The following MARCHF7 variants were observed in gnomAD, a reference collection of about 807,000 sequenced individuals.
MARCHF7 encodes the protein membrane associated ring-CH-type finger 7, also known as E3 ubiquitin-protein ligase MARCHF7.
In MARCHF7, 20 loss-of-function variants were observed where a neutral mutation model predicts 76.5. The ratio of observed to expected loss-of-function variants is 0.26; its 90% confidence interval spans 0.18 to 0.38. MARCHF7 has a LOEUF of 0.38. MARCHF7 is among the 10% of genes least tolerant of loss of function. The probability of loss-of-function intolerance (pLI) is 1.00; values close to 1 mark genes in which losing one functional copy is unlikely to be tolerated. For synonymous variants in MARCHF7, 295 were observed against 293.0 expected, an observed-to-expected ratio of 1.01 and a Z score of -0.07; for missense variants, 797 against 812.9, an observed-to-expected ratio of 0.98 and a Z score of 0.24.
chr2:159,766,157 A>G (rs1707738438), intron 11 of MARCHF7, among the ~76,000 whole-genome samples: 1 of 152,190 alleles, frequency 6.6e-6, no homozygotes, highest in South Asian at 2.1e-4. Flanking sequence ...GAGTATTAGT[A>G]CATTCTGAAA....
rs190869451 is a variant in MARCHF7, at chr2:159,722,818, A to G, written c.-14-6191A>G. The stretch of plus-strand genomic sequence containing the variant: ...ATCAATTTATGTAGAGGAGTTGCCA[A>G]AAATAGTTCCATACAATATCAAATT... On this transcript the variant is annotated intron_variant, in intron 3 of 11. Transcript: ENST00000409175. Among the ~76,000 whole-genome samples the G allele has an allele frequency of 4.4e-3, 675 of 152,328 alleles. 2 individuals carry two copies. Among genetic ancestry groups the G allele is most frequent in the Middle Eastern group, 6.8e-3 (2 of 294 alleles).
intron 9 of MARCHF7, among the ~76,000 whole-genome samples, chr2:159,759,912 C>A (rs1375820239): frequency 2.6e-5 from 4 of 152,074 alleles, no homozygotes; most frequent in African/African-American, 9.7e-5. Context: ...GCCTCAGCAA[C>A]ATAGCAAGAC....
At chr2:159,725,168 C>T (rs549209846) in intron 3 of MARCHF7, among the ~76,000 whole-genome samples, 1 of 152,304 alleles carries the variant, frequency 6.6e-6, no homozygotes, top group South Asian at 2.1e-4. Flanking sequence ...TTTATAGTAG[C>T]ATGATTTATA....
intron 9 of MARCHF7, among the ~76,000 whole-genome samples, chr2:159,762,555 A>C (rs1707234471): frequency 6.6e-6 from 1 of 152,250 alleles, no homozygotes; most frequent in African/African-American, 2.4e-5. Flanking sequence ...TTAACTAAAT[A>C]TATATAGCTA....
chr2:159,749,924 G>A (rs1705417112), intron 7 of MARCHF7, among the ~76,000 whole-genome samples: 1 of 152,132 alleles, frequency 6.6e-6, no homozygotes, highest in Admixed American at 6.5e-5. Flanking sequence ...CCTTTATTAA[G>A]ATGATTTATT....
chr2:159,724,088 G>A (rs72996603), intron 3 of MARCHF7, among the ~76,000 whole-genome samples: 1 of 152,070 alleles, frequency 6.6e-6, no homozygotes, highest in African/African-American at 2.4e-5. Flanking sequence ...GTTTTTGGTC[G>A]TTGTGTTTTG....
At chr2:159,761,340 A>T (rs529289551) in intron 9 of MARCHF7, among the ~76,000 whole-genome samples, 56 of 149,544 alleles carry the variant, frequency 3.7e-4, no homozygotes, top group African/African-American at 1.2e-3. Flanking sequence ...AAAATTTTTT[A>T]AAAATGTTCT....
At chr2:159,749,748 G>T (rs1342807164) in intron 7 of MARCHF7, among the ~76,000 whole-genome samples, 1 of 151,658 alleles carries the variant, frequency 6.6e-6, no homozygotes, top group African/African-American at 2.4e-5. Context: ...GGGGGGGGCG[G>T]TTGTGAATTG....
chr2:159,765,367 C>T (rs1393803975), intron 11 of MARCHF7, among the ~76,000 whole-genome samples: 1 of 152,096 alleles, frequency 6.6e-6, no homozygotes, highest in Non-Finnish European at 1.5e-5. Flanking sequence ...TCTATACAGC[C>T]TACCCTCTTC....
chr2:159,760,716 TTTTTG>T (rs1170330446), intron 9 of MARCHF7, among the ~76,000 whole-genome samples: 5 of 147,840 alleles, frequency 3.4e-5, no homozygotes, highest in Admixed American at 2.0e-4. Flanking sequence ...TCCTTTTTTG[TTTTTG>T]TTTTTGTTTT....
intron 9 of MARCHF7, among the ~76,000 whole-genome samples, chr2:159,760,740 GT>G (rs1348810048): frequency 4.3e-5 from 6 of 139,700 alleles, no homozygotes; most frequent in African/African-American, 1.3e-4. Context: ...TTTGTTTTTT[GT>G]TTTTGACTCG....
chr2:159,725,190 A>G (rs1702028297), intron 3 of MARCHF7, among the ~76,000 whole-genome samples: 1 of 152,218 alleles, frequency 6.6e-6, no homozygotes, highest in South Asian at 2.1e-4. Context: ...TCCTTTGGGT[A>G]TATACCCAGT....
intron 4 of MARCHF7, 108 bp from the exon 5 acceptor site, chr2:159,742,953 T>A: frequency 4.1e-6 from 4 of 975,156 alleles, no homozygotes; most frequent in African/African-American, 1.7e-5. Flanking sequence ...AAAAAAGAAC[T>A]ACGTGGTAGA....
At chr2:159,713,753 G>A (rs560723640) in intron 1 of MARCHF7, among the ~76,000 whole-genome samples, 1 of 152,290 alleles carries the variant, frequency 6.6e-6, no homozygotes, top group Non-Finnish European at 1.5e-5. Context: ...TGGTGCATGA[G>A]GCAGTAGCAC....
At chr2:159,715,169 G>C (rs1310806497) in intron 2 of MARCHF7, among the ~76,000 whole-genome samples, 2 of 152,152 alleles carry the variant, frequency 1.3e-5, no homozygotes, top group Admixed American at 1.3e-4. Context: ...TGAATCAACT[G>C]ATCACATTAG....
chr2:159,761,640 G>T (rs1195801088), intron 9 of MARCHF7, among the ~76,000 whole-genome samples: 1 of 151,546 alleles, frequency 6.6e-6, no homozygotes, highest in African/African-American at 2.4e-5. Context: ...TTGAACTCCT[G>T]ACCTCAAGTG....
chr2:159,722,617 G>C (rs548041879), intron 3 of MARCHF7, among the ~76,000 whole-genome samples: 8 of 152,212 alleles, frequency 5.3e-5, no homozygotes, highest in African/African-American at 1.7e-4. Flanking sequence ...CAAAAAACTT[G>C]GTTAAATGAA....
chr2:159,739,147 C>T (rs947596833), intron 4 of MARCHF7, among the ~76,000 whole-genome samples: 1 of 152,236 alleles, frequency 6.6e-6, no homozygotes, highest in Non-Finnish European at 1.5e-5. Context: ...CCTGAGAGCA[C>T]AGGGATACCC....
intron 3 of MARCHF7, among the ~76,000 whole-genome samples, chr2:159,720,965 C>G (rs1006251998): frequency 3.9e-5 from 6 of 152,114 alleles, no homozygotes; most frequent in African/African-American, 1.4e-4. Flanking sequence ...TCAAGCAATT[C>G]TCCTGCCTTA....
Sources: allele counts gnomAD v4.1 joint callset (sites outside exome capture counted in the v4.1 genomes callset), GRCh38; gene constraint gnomAD v4.1.1; transcripts MANE v1.5; gene names NCBI Gene and HGNC (gene_info 2026-07-23, HGNC 2026-07-21).